Variants in ARL15 observed in about 807,000 individuals in gnomAD.
The protein encoded by ARL15 is ADP-ribosylation factor-like protein 15.
In ARL15, 19 loss-of-function variants were observed where a neutral mutation model predicts 25.2. The observed-to-expected ratio is 0.75, with a 90% CI of 0.53 to 1.10. The LOEUF is 1.10. Ranked by LOEUF, ARL15 falls within the 50% of genes least tolerant of loss-of-function variation. ARL15 has a pLI of 0.00. For missense variants in ARL15, 220 were observed against 246.0 expected, an observed-to-expected ratio of 0.89 and a Z score of 0.71; for synonymous variants, 94 against 86.8, an observed-to-expected ratio of 1.08 and a Z score of -0.46.
At chr5:53,999,716 C>T (rs111366116) in intron 4 of ARL15, among the ~76,000 whole-genome samples, 12,649 of 152,108 alleles carry the variant, frequency 0.083, 661 homozygotes, top group Non-Finnish European at 0.11. Flanking sequence ...AGTTCGAGAC[C>T]AGCCCGACCA....
At chr5:54,218,854 G>C (rs1010830433) in intron 1 of ARL15, among the ~76,000 whole-genome samples, 3 of 152,120 alleles carry the variant, frequency 2.0e-5, no homozygotes, top group Non-Finnish European at 2.9e-5. Context: ...TAACCTATGT[G>C]ATGGAGCAGC....
At chr5:54,198,442 C>G (rs180678590) in intron 1 of ARL15, among the ~76,000 whole-genome samples, 39,278 of 131,078 alleles carry the variant, frequency 0.3, 5,060 homozygotes, top group African/African-American at 0.37. Flanking sequence ...AGCAACTTCA[C>G]CAAAGTCTCA....
intron 2 of ARL15, among the ~76,000 whole-genome samples, chr5:54,159,688 A>G (rs1048469822): frequency 6.6e-6 from 1 of 152,216 alleles, no homozygotes; most frequent in African/African-American, 2.4e-5. Flanking sequence ...TTCCTGGCCT[A>G]TCTAAGCTAC....
chr5:54,147,232 A>G (rs1753936703), intron 3 of ARL15, among the ~76,000 whole-genome samples: 2 of 152,152 alleles, frequency 1.3e-5, no homozygotes, highest in Admixed American at 1.3e-4. Context: ...AGGAAACAAT[A>G]TTATATCAAG....
intron 1 of ARL15, among the ~76,000 whole-genome samples, chr5:54,242,169 G>GCACACA (rs142704353): frequency 7.4e-5 from 11 of 149,156 alleles, no homozygotes; most frequent in Admixed American, 2.0e-4. Context: ...GTACACACAC[G>GCACACA]CACACACACA....
chr5:54,186,380 A>G (rs1196808868), intron 1 of ARL15, among the ~76,000 whole-genome samples: 1 of 152,244 alleles, frequency 6.6e-6, no homozygotes, highest in African/African-American at 2.4e-5. Flanking sequence ...TTTCAGATCC[A>G]CAGCTGAGCT....
chr5:54,200,332 T>TA (rs1308978474), intron 1 of ARL15, among the ~76,000 whole-genome samples: 1 of 149,132 alleles, frequency 6.7e-6, no homozygotes. Flanking sequence ...AAAAAATAAA[T>TA]AAAAAAAATT....
chr5:54,036,277 A>G (rs1158902449), intron 4 of ARL15, among the ~76,000 whole-genome samples: 4 of 152,248 alleles, frequency 2.6e-5, no homozygotes, highest in Admixed American at 1.3e-4. Context: ...GTGACTACAC[A>G]TTATTTGCAA....
At chr5:54,092,074 C>CACACACACACACACACACACT (rs1561220828) in intron 4 of ARL15, among the ~76,000 whole-genome samples, 178 of 95,968 alleles carry the variant, frequency 1.9e-3, no homozygotes, top group African/African-American at 6.2e-3. Flanking sequence ...ACACACACAC[C>CACACACACACACACACACACT]ACCACCACCA....
At chr5:54,022,981 C>T (rs1749662092) in intron 4 of ARL15, among the ~76,000 whole-genome samples, 1 of 151,968 alleles carries the variant, frequency 6.6e-6, no homozygotes, top group South Asian at 2.1e-4. Flanking sequence ...AAGTAGAAAT[C>T]GTTGAACTGA....
At chr5:54,244,130 CT>C (rs765136938) in intron 1 of ARL15, among the ~76,000 whole-genome samples, 2 of 152,272 alleles carry the variant, frequency 1.3e-5, no homozygotes, top group East Asian at 3.9e-4. Flanking sequence ...TTTTATCATT[CT>C]ATAAGAAGTC....
chr5:54,167,282 T>G (rs1754601721), intron 2 of ARL15, among the ~76,000 whole-genome samples: 1 of 152,156 alleles, frequency 6.6e-6, no homozygotes, highest in Admixed American at 6.5e-5. Context: ...AACTCTTTTC[T>G]CTGGTATTCT....
intron 3 of ARL15, among the ~76,000 whole-genome samples, chr5:54,127,316 A>G (rs916295552): frequency 1.3e-5 from 2 of 152,230 alleles, no homozygotes; most frequent in South Asian, 2.1e-4. Flanking sequence ...CAACTTCAGC[A>G]AAGTCTCAGG....
chr5:54,055,878 C>T lies in ARL15; in HGVS notation c.462+57324G>A, dbSNP rs115513253. Among the ~76,000 whole-genome samples, 69 of 152,234 alleles carry T rather than the reference C, an allele frequency of 4.5e-4. 1 individual carries two copies. Among genetic ancestry groups the T allele is most frequent in the African/African-American group, 1.6e-3 (67 of 41,558 alleles). ...TATAATTATCATGTGTATTTCTCCT[C>T]CTCCACCCACTAGTGAACTGTGGGC... On this transcript the variant is annotated intron_variant, in intron 4 of 4. Coordinates refer to ENST00000504924, the MANE Select transcript of ARL15 (RefSeq NM_019087.3).
At chr5:54,041,766 G>C (rs1479538895) in intron 4 of ARL15, among the ~76,000 whole-genome samples, 1 of 152,184 alleles carries the variant, frequency 6.6e-6, no homozygotes, top group Non-Finnish European at 1.5e-5. Context: ...AGGGCAATGA[G>C]AAAAGCAAGC....
intron 4 of ARL15, among the ~76,000 whole-genome samples, chr5:54,046,232 G>T (rs935344521): frequency 4.6e-5 from 7 of 152,212 alleles, no homozygotes; most frequent in African/African-American, 1.7e-4. Context: ...TGTAATCCCA[G>T]CACTTTGGGA....
chr5:54,202,569 A>G (rs116064644), intron 1 of ARL15, among the ~76,000 whole-genome samples: 2,012 of 152,306 alleles, frequency 0.013, 18 homozygotes, highest in Non-Finnish European at 0.018. Context: ...TCTTAGTTTC[A>G]TCCTGGTGAG....
At chr5:53,951,947 G>A (rs1746985012) in intron 4 of ARL15, among the ~76,000 whole-genome samples, 1 of 144,234 alleles carries the variant, frequency 6.9e-6, no homozygotes, top group Non-Finnish European at 1.5e-5. Flanking sequence ...TGGACAATCT[G>A]TGCTGTGATT....
intron 1 of ARL15, among the ~76,000 whole-genome samples, chr5:54,186,845 C>T (rs1038972340): frequency 4.0e-5 from 6 of 149,016 alleles, no homozygotes; most frequent in Admixed American, 6.7e-5. Context: ...TAGAGCTTTA[C>T]TAGAATAAAG....
Sources: gnomAD v4.1 joint callset for allele counts (sites outside exome capture counted in the v4.1 genomes callset) on GRCh38, gnomAD v4.1.1 for gene constraint, MANE v1.5 for transcripts, NCBI Gene and HGNC (gene_info 2026-07-23, HGNC 2026-07-21) for gene names.